The following OR5T3 variants were observed in gnomAD, a reference collection of about 807,000 sequenced individuals.
OR5T3 encodes olfactory receptor 5T3.
OR5T3 carries 14 observed loss-of-function variants against 14.0 expected under a neutral mutation model. The observed-to-expected ratio is 1.00, with a 90% CI of 0.66 to 1.56. The LOEUF is 1.56. OR5T3 is among the 40% of genes most tolerant of loss of function. The probability of loss-of-function intolerance (pLI) is 0.00; values close to 1 mark genes in which losing one functional copy is unlikely to be tolerated. For synonymous variants in OR5T3, 150 were observed against 137.2 expected, an observed-to-expected ratio of 1.09 and a Z score of -0.65; for missense variants, 410 against 374.2, an observed-to-expected ratio of 1.10 and a Z score of -0.79.
In OR5T3 at chr11:56,253,124, A is replaced by G; in HGVS notation, c.871A>G (p.Thr291Ala). The G allele has an allele frequency of 6.2e-7, 1 of 1,611,958 alleles. No individual in the cohort carries two copies. The highest frequency in any genetic ancestry group is 8.5e-7 in the Non-Finnish European group (1 of 1,178,422). ...DHDIIVSIFY[T>A]IVIPKLNPII... ...TGACATCATAGTGTCAATATTTTAC[A>G]CAATTGTGATTCCCAAGTTGAATCC... Residue 291 changes from threonine (T) to alanine (A), a missense_variant, in exon 1 of 1, where the codon ACA becomes GCA. By Grantham distance (58) the Thr-to-Ala change is moderately conservative (BLOSUM62 0). Transcript: ENST00000313033.
At position 56,252,321 on chromosome 11, in the gene OR5T3, T is replaced by A; in HGVS notation, c.68T>A (p.Met23Lys). The A allele has an allele frequency of 6.2e-7, 1 of 1,613,530 alleles. No homozygotes were observed. Among genetic ancestry groups the A allele is most frequent in the Non-Finnish European group, 8.5e-7 (1 of 1,179,516 alleles). ...NPLKNKTEVT[M>K]FILTGFTDDF... Reference sequence around the variant, plus strand: ...CTGAAGAACAAGACTGAAGTCACCATGTTTATATTGACAGGCTTCACAGAT... The same window carrying A: ...CTGAAGAACAAGACTGAAGTCACCAAGTTTATATTGACAGGCTTCACAGAT... Residue 23 changes from methionine to lysine, a missense_variant, in exon 1 of 1, where the codon ATG (methionine) becomes AAG (lysine). Physicochemically the swap from Met to Lys is moderately conservative, Grantham distance 95. Coordinates refer to ENST00000313033, the MANE Select transcript of OR5T3 (RefSeq NM_001004747.2).
chr11:56,253,016 T>C lies in OR5T3; in HGVS notation c.763T>C (p.Ser255Pro). ...GCAAAAGGCCTTCTCTACATGTGGCTCTCACCTAACTGGAGTGACAATTTA... is the reference window on the plus strand; with the variant it reads ...GCAAAAGGCCTTCTCTACATGTGGCCCTCACCTAACTGGAGTGACAATTTA... Reference protein sequence around the residue: ...GRQKAFSTCGSHLTGVTIYHG... With the variant: ...GRQKAFSTCGPHLTGVTIYHG... The change falls in exon 1 of 1, where the codon TCT becomes CCT. Residue 255 changes from serine (S) to proline (P), a missense_variant. Physicochemically the swap from Ser to Pro is moderately conservative, Grantham distance 74 (BLOSUM62 -1). Transcript: ENST00000313033. The C allele has an allele frequency of 7.4e-6, 12 of 1,613,564 alleles. No individual in the cohort carries two copies. Among genetic ancestry groups the C allele is most frequent in the Non-Finnish European group, 1.0e-5 (12 of 1,179,574 alleles).
Position 56,253,107 on chromosome 11 carries a change from T to G in OR5T3, c.854T>G (p.Ile285Arg). 1.9e-6 allele frequency: 3 copies of G among 1,612,490 alleles called. No homozygotes were observed. Among genetic ancestry groups the G allele is most frequent in the Non-Finnish European group, 2.5e-6 (3 of 1,178,728 alleles). ...SSSYASDHDI[I>R]VSIFYTIVIP... ...AGCTATGCTTCAGACCATGACATCA[T>G]AGTGTCAATATTTTACACAATTGTG... Residue 285 changes from isoleucine (I) to arginine (R), a missense_variant, in exon 1 of 1, where the codon ATA becomes AGA. By Grantham distance (97) the Ile-to-Arg change is moderately conservative. Coordinates refer to ENST00000313033, the MANE Select transcript of OR5T3 (RefSeq NM_001004747.2).
Position 56,252,391 on chromosome 11 carries a change from C to CT in OR5T3, c.139dup (p.Tyr47LeufsTer17). The stretch of plus-strand genomic sequence containing the variant: ...TCCTATTTTTACTATTTTTTGCAAT[C>CT]TATCTCTTTACCTTGATAGGCAATT... On this transcript the variant is annotated frameshift_variant, in exon 1 of 1. Coordinates refer to ENST00000313033, the MANE Select transcript of OR5T3 (RefSeq NM_001004747.2). LOFTEE classifies it high-confidence loss of function. 1 of 1,613,486 alleles carries CT rather than the reference C, an allele frequency of 6.2e-7. No homozygotes were observed.
Position 56,252,703 on chromosome 11 carries a change from C to A in OR5T3, c.450C>A (p.Pro150=). Residue 150 remains proline, a synonymous_variant, in exon 1 of 1, where the codon CCC becomes CCA. Coordinates refer to ENST00000313033, the MANE Select transcript of OR5T3 (RefSeq NM_001004747.2). ...TCCTGTATTCAGTGAGCATGTCACC[C>A]AGAGTCTATGTGCCACTCATCACTG... ...NPLLYSVSMS[P]RVYVPLITAS... is the part of the protein sequence containing the mutation. The A allele has an allele frequency of 6.2e-7, 1 of 1,613,894 alleles. No individual in the cohort carries two copies. Among genetic ancestry groups the A allele is most frequent in the Non-Finnish European group, 8.5e-7 (1 of 1,179,858 alleles).
rs762288559 is a variant in OR5T3 at position 56,252,488 on chromosome 11, T to C, written c.235T>C (p.Ser79Pro). 1.9e-6 allele frequency: 3 copies of C among 1,613,914 alleles called. No homozygotes were observed. The South Asian group carries it at 3.3e-5, about 18-fold the overall frequency. ...NPMYYFLSVL[S>P]FLDACYSTVV... ...CATGTATTATTTTCTTAGTGTTTTA[T>C]CATTCTTGGATGCTTGCTATTCTAC... Residue 79 changes from serine (S) to proline (P), a missense_variant, in exon 1 of 1, where the codon TCA becomes CCA. By Grantham distance (74) the Ser-to-Pro change is moderately conservative (BLOSUM62 -1). Transcript: ENST00000313033.
Position 56,252,517 on chromosome 11 carries a change from T to C in OR5T3, c.264T>C (p.Val88=), listed in dbSNP as rs1173695625. ...LSFLDACYST[V]VTPKMLVNFL... ...TCTTGGATGCTTGCTATTCTACAGTTGTCACTCCAAAAATGTTGGTCAATT... is the reference window on the plus strand; with the variant it reads ...TCTTGGATGCTTGCTATTCTACAGTCGTCACTCCAAAAATGTTGGTCAATT... The change falls in exon 1 of 1, where the codon GTT becomes GTC. Residue 88 remains valine, a synonymous_variant. Coordinates refer to ENST00000313033, the MANE Select transcript of OR5T3 (RefSeq NM_001004747.2). The C allele has an allele frequency of 6.2e-7, 1 of 1,613,920 alleles. No individual in the cohort carries two copies. Among genetic ancestry groups the C allele is most frequent in the Non-Finnish European group, 8.5e-7 (1 of 1,179,844 alleles).
At position 56,252,414 on chromosome 11, in the gene OR5T3, A is replaced by G. The variant is rs1312632864; in HGVS notation, c.161A>G (p.Asn54Ser). The change falls in exon 1 of 1, where the codon AAT becomes AGT. Residue 54 changes from asparagine to serine, a missense_variant. Transcript: ENST00000313033. The part of the protein sequence containing the change: ...FAIYLFTLIG[N>S]LGLVVLVIED... ...ATCTATCTCTTTACCTTGATAGGCA[A>G]TTTAGGGCTGGTTGTGTTGGTCATT... 2.5e-6 allele frequency: 4 copies of G among 1,613,644 alleles called. No homozygotes were observed. The highest frequency in any genetic ancestry group is 2.2e-5 in the East Asian group (1 of 44,876).
Position 56,253,019 on chromosome 11 carries a change from C to T in OR5T3, c.766C>T (p.His256Tyr), listed in dbSNP as rs1300498074. The change falls in exon 1 of 1, where the codon CAC becomes TAC. Residue 256 changes from histidine to tyrosine, a missense_variant. His to Tyr is a moderately conservative substitution (Grantham distance 83). Transcript: ENST00000313033. ...RQKAFSTCGSHLTGVTIYHGT... is the reference protein window; with the variant it reads ...RQKAFSTCGSYLTGVTIYHGT... ...AAAGGCCTTCTCTACATGTGGCTCT[C>T]ACCTAACTGGAGTGACAATTTATCA... The T allele has an allele frequency of 1.9e-6, 3 of 1,613,570 alleles. No individual in the cohort carries two copies. The highest frequency in any genetic ancestry group is 2.2e-5 in the East Asian group (1 of 44,862).
Position 56,252,346 on chromosome 11 carries a change from T to C in OR5T3, c.93T>C (p.Asp31=). ...VTMFILTGFT[D]DFELQVFLFL... ...TGTTTATATTGACAGGCTTCACAGATGATTTTGAGCTGCAAGTCTTCCTAT... is the reference window on the plus strand; with the variant it reads ...TGTTTATATTGACAGGCTTCACAGACGATTTTGAGCTGCAAGTCTTCCTAT... The change falls in exon 1 of 1, where the codon GAT becomes GAC. Residue 31 remains aspartate (D), a synonymous_variant. Transcript: ENST00000313033. The C allele has an allele frequency of 1.2e-6, 2 of 1,613,700 alleles. No individual in the cohort carries two copies. The highest frequency in any genetic ancestry group is 1.7e-6 in the Non-Finnish European group (2 of 1,179,694).
chr11:56,252,638 G>T lies in OR5T3; in HGVS notation c.385G>T (p.Ala129Ser), dbSNP rs1050005712. Reference protein sequence around the residue: ...FGTTECFLLAAMAYDHYVAIY... With the variant: ...FGTTECFLLASMAYDHYVAIY... ...AACTACAGAATGTTTTCTCTTGGCT[G>T]CAATGGCTTATGATCACTATGTAGC... is the stretch of plus-strand genomic sequence containing the variant. The change falls in exon 1 of 1, where the codon GCA becomes TCA. Residue 129 changes from alanine (A) to serine (S), a missense_variant. Coordinates refer to ENST00000313033, the MANE Select transcript of OR5T3 (RefSeq NM_001004747.2). 1 of 1,613,696 alleles carries T rather than the reference G, an allele frequency of 6.2e-7. No individual in the cohort carries two copies. The highest frequency in any genetic ancestry group is 8.5e-7 in the Non-Finnish European group (1 of 1,179,822).
rs767282370 is a variant in OR5T3, at chr11:56,252,486, T to C, written c.233T>C (p.Leu78Ser). Reference protein sequence around the residue: ...HNPMYYFLSVLSFLDACYSTV... With the variant: ...HNPMYYFLSVSSFLDACYSTV... ...CCCATGTATTATTTTCTTAGTGTTT[T>C]ATCATTCTTGGATGCTTGCTATTCT... The change falls in exon 1 of 1, where the codon TTA (leucine) becomes TCA (serine). Residue 78 changes from leucine (L) to serine (S), a missense_variant. By Grantham distance (145) the Leu-to-Ser change is moderately radical. Transcript: ENST00000313033. 30 of 1,613,904 alleles carry C rather than the reference T, an allele frequency of 1.9e-5. No homozygotes were observed. The highest frequency in any genetic ancestry group is 2.5e-5 in the Non-Finnish European group (29 of 1,179,836).
chr11:56,253,036 A>G lies in OR5T3; in HGVS notation c.783A>G (p.Thr261=). Residue 261 remains threonine (T), a synonymous_variant, in exon 1 of 1, where the codon ACA becomes ACG. Transcript: ENST00000313033. ...STCGSHLTGV[T]IYHGTILVSY... ...GTGGCTCTCACCTAACTGGAGTGAC[A>G]ATTTATCATGGAACAATTCTCGTCA... 1 of 1,613,766 alleles carries G rather than the reference A, an allele frequency of 6.2e-7. No individual in the cohort carries two copies.
At position 56,252,789 on chromosome 11, in the gene OR5T3, C is replaced by T. The variant is rs1245707349; in HGVS notation, c.536C>T (p.Ser179Phe). The change falls in exon 1 of 1, where the codon TCC becomes TTC. Residue 179 changes from serine to phenylalanine, a missense_variant. Coordinates refer to ENST00000313033, the MANE Select transcript of OR5T3 (RefSeq NM_001004747.2). ...CATATAGTGGCTACATTTAGCCTGTCCTTCTGTGGATCCAATGAAATTAGG... is the reference window on the plus strand; with the variant it reads ...CATATAGTGGCTACATTTAGCCTGTTCTTCTGTGGATCCAATGAAATTAGG... ...TIHIVATFSL[S>F]FCGSNEIRHV... 1.2e-6 allele frequency: 2 copies of T among 1,613,736 alleles called. No individual in the cohort carries two copies. The highest frequency in any genetic ancestry group is 1.7e-6 in the Non-Finnish European group (2 of 1,179,848).
In OR5T3 at chr11:56,253,006, T is replaced by C; in HGVS notation, c.753T>C (p.Ser251=). The C allele has an allele frequency of 1.9e-6, 3 of 1,613,606 alleles. No individual in the cohort carries two copies. Among genetic ancestry groups the C allele is most frequent in the Non-Finnish European group, 2.5e-6 (3 of 1,179,624 alleles). The change falls in exon 1 of 1, where the codon TCT becomes TCC. Residue 251 remains serine (S), a synonymous_variant. Transcript: ENST00000313033. ...HSAKGRQKAF[S]TCGSHLTGVT... ...CTAAGGGAAGGCAAAAGGCCTTCTC[T>C]ACATGTGGCTCTCACCTAACTGGAG...
rs144680480 is a variant in OR5T3 at position 56,252,737 on chromosome 11, G to T, written c.484G>T (p.Val162Phe). The T allele has an allele frequency of 2.5e-6, 4 of 1,613,678 alleles. No homozygotes were observed. Among genetic ancestry groups the T allele is most frequent in the African/African-American group, 2.7e-5 (2 of 74,878 alleles). The part of the protein sequence containing the change: ...VYVPLITASY[V>F]AGILHATIHI... ...TGTGCCACTCATCACTGCTTCCTAC[G>T]TTGCTGGCATTTTACATGCTACTAT... Residue 162 changes from valine (V) to phenylalanine (F), a missense_variant, in exon 1 of 1, where the codon GTT becomes TTT. Transcript: ENST00000313033.
rs1853599262 is a variant in OR5T3, at chr11:56,253,056, T to C, written c.803T>C (p.Leu268Pro). The C allele has an allele frequency of 6.2e-7, 1 of 1,613,760 alleles. No homozygotes were observed. ...TGVTIYHGTI[L>P]VSYMRPSSSY... is the part of the protein sequence containing the mutation. Reference sequence around the variant, plus strand: ...GTGACAATTTATCATGGAACAATTCTCGTCAGTTATATGAGACCAAGTTCC... The same window carrying C: ...GTGACAATTTATCATGGAACAATTCCCGTCAGTTATATGAGACCAAGTTCC... The change falls in exon 1 of 1, where the codon CTC becomes CCC. Residue 268 changes from leucine to proline, a missense_variant. Leu to Pro is a moderately conservative substitution (Grantham distance 98). Coordinates refer to ENST00000313033, the MANE Select transcript of OR5T3 (RefSeq NM_001004747.2).
In OR5T3 at chr11:56,252,870, C is replaced by A; in HGVS notation, c.617C>A (p.Thr206Lys). Reference protein sequence around the residue: ...LLAISCSDTHTNQLLLFYFVG... With the variant: ...LLAISCSDTHKNQLLLFYFVG... ...GCTATTTCTTGTTCTGACACTCACACAAACCAGCTTCTACTCTTCTACTTT... is the reference window on the plus strand; with the variant it reads ...GCTATTTCTTGTTCTGACACTCACAAAAACCAGCTTCTACTCTTCTACTTT... The change falls in exon 1 of 1, where the codon ACA becomes AAA. Residue 206 changes from threonine to lysine, a missense_variant. Transcript: ENST00000313033. 6.2e-7 allele frequency: 1 copy of A among 1,613,788 alleles called. No homozygotes were observed. The highest frequency in any genetic ancestry group is 1.3e-5 in the African/African-American group (1 of 75,026).
chr11:56,252,611 G>C lies in OR5T3; in HGVS notation c.358G>C (p.Gly120Arg). The change falls in exon 1 of 1, where the codon GGA (glycine) becomes CGA (arginine). Residue 120 changes from glycine to arginine, a missense_variant. Coordinates refer to ENST00000313033, the MANE Select transcript of OR5T3 (RefSeq NM_001004747.2). ...ACAGATGCTTCTTTTTGTTACTTTT[G>C]GAACTACAGAATGTTTTCTCTTGGC... ...ATQMLLFVTF[G>R]TTECFLLAAM... 6.2e-7 allele frequency: 1 copy of C among 1,613,728 alleles called. No individual in the cohort carries two copies. Among genetic ancestry groups the C allele is most frequent in the Middle Eastern group, 1.6e-4 (1 of 6,062 alleles).
Sources: allele counts gnomAD v4.1 joint callset, GRCh38; gene constraint gnomAD v4.1.1; transcripts MANE v1.5; gene names NCBI Gene and HGNC (gene_info 2026-07-23, HGNC 2026-07-21).